The following ETV7 variants were observed in gnomAD, a reference collection of about 807,000 sequenced individuals.
The protein encoded by ETV7 is ETS variant transcription factor 7, also known as transcription factor ETV7.
ETV7 carries 43 observed loss-of-function variants against 39.1 expected under a neutral mutation model. That is an observed-to-expected ratio of 1.10 (90% CI 0.86 to 1.42). The LOEUF (loss-of-function observed/expected upper bound fraction) is 1.42, where lower values mean the gene tolerates loss of function less well. Among genes scored for constraint, ETV7 ranks in the 40% most tolerant of loss-of-function variants. The pLI is 0.00. For missense variants in ETV7, 432 were observed against 442.3 expected (o/e 0.98, Z 0.21); for synonymous variants, 196 against 176.6 (o/e 1.11, Z -0.87).
At chr6:36,381,681 C>G (rs868118207) in intron 2 of ETV7, among the ~76,000 whole-genome samples, 19 of 152,250 alleles carry the variant, frequency 1.2e-4, no homozygotes, top group Middle Eastern at 3.4e-3. Flanking sequence ...GGTCGATAAT[C>G]CTTTTCTTGG....
At chr6:36,371,773 A>G (rs1773039594) in intron 4 of ETV7, among the ~76,000 whole-genome samples, 1 of 152,210 alleles carries the variant, frequency 6.6e-6, no homozygotes, top group Admixed American at 6.5e-5. Context: ...ACAAGTAACA[A>G]CCTGTCAAGC....
intron 5 of ETV7, among the ~76,000 whole-genome samples, chr6:36,370,079 G>A (rs2127389072): frequency 6.6e-6 from 1 of 152,250 alleles, no homozygotes; most frequent in East Asian, 1.9e-4. Flanking sequence ...TCTATGTGTT[G>A]GGCCAATTGT....
At chr6:36,364,090 T>C (rs932191565), downstream of ETV7, among the ~76,000 whole-genome samples, 28 of 152,204 alleles carry the variant, frequency 1.8e-4, no homozygotes, top group Non-Finnish European at 4.0e-4. Flanking sequence ...AGAGTGCCGA[T>C]TGGTGTATTT....
chr6:36,362,816 A>G (rs1006998984), downstream of ETV7, among the ~76,000 whole-genome samples: 3 of 152,180 alleles, frequency 2.0e-5, no homozygotes, highest in African/African-American at 7.2e-5. Flanking sequence ...GGTGAGATTC[A>G]TTGCCTGAGT....
At position 36,385,547 on chromosome 6, in the gene ETV7, C is replaced by A. The variant is rs762641486; in HGVS notation, c.129G>T (p.Leu43=). 2 of 1,614,102 alleles carry A rather than the reference C, an allele frequency of 1.2e-6. No individual in the cohort carries two copies. The highest frequency in any genetic ancestry group is 1.7e-5 in the Admixed American group (1 of 60,006). Residue 43 remains leucine, a synonymous_variant, in exon 2 of 8, where the codon CTG becomes CTT. Transcript: ENST00000340181. Reference sequence around the variant, plus strand: ...CCCTCTACTTACGGAGTCTTCCTGGCAGCTTGCAGATCCCCCCTTCACCCA... The same window carrying A: ...CCCTCTACTTACGGAGTCTTCCTGGAAGCTTGCAGATCCCCCCTTCACCCA... ...NLLGEGGICK[L]PGRLRIQPAL... is the part of the protein sequence containing the mutation.
In ETV7 at chr6:36,383,091, A is replaced by T. The variant is rs138477911; in HGVS notation, c.142+2443T>A. ...CATCACCTCCTCCCAGTCCCCTGTG[A>T]TATCAGCCCAGTTCTGAAAATGGTC... On this transcript the variant is annotated intron_variant, in intron 2 of 7. Coordinates refer to ENST00000340181, the MANE Select transcript of ETV7 (RefSeq NM_016135.4). Among the ~76,000 whole-genome samples the T allele has an allele frequency of 9.5e-4, 144 of 152,234 alleles. 1 individual carries two copies. The highest frequency in any genetic ancestry group is 2.9e-3 in the African/African-American group (121 of 41,530).
chr6:36,368,872 C>A, intron 6 of ETV7, 57 bp downstream of exon 6: 1 of 1,611,832 alleles, frequency 6.2e-7, no homozygotes, highest in Non-Finnish European at 8.5e-7. Flanking sequence ...TCCACTCTGA[C>A]CCCCAACTCT....
At chr6:36,381,577 T>G (rs4308555) in intron 2 of ETV7, among the ~76,000 whole-genome samples, 65,633 of 151,922 alleles carry the variant, frequency 0.43, 15,522 homozygotes, top group African/African-American at 0.62. Flanking sequence ...GATGACTACG[T>G]TTTATCAATT....
At position 36,368,942 on chromosome 6, in the gene ETV7, CAG is replaced by C. The variant is rs755433249; in HGVS notation, c.792_793del (p.Trp265GlyfsTer23). The C allele has an allele frequency of 1.5e-5, 24 of 1,614,022 alleles. No homozygotes were observed. The highest frequency in any genetic ancestry group is 1.2e-5 in the Non-Finnish European group (14 of 1,180,042). ...GCCGAGGCTCACCTTGTGATTTCCC[CAG>C]AGTCTGGCGAGCCCATTTGGATCCA... On this transcript the variant is annotated frameshift_variant, in exon 6 of 8. Transcript: ENST00000340181. LOFTEE classifies it high-confidence loss of function.
At position 36,366,427 on chromosome 6, in the gene ETV7, C is replaced by T. The variant is rs749984217; in HGVS notation, c.*218G>A. ...GTAGGGGAGAGTCCATTCCCCTGTA[C>T]CTCATTTAGCCCCAGGATTGCCCTG... On this transcript the variant is annotated 3_prime_UTR_variant, in exon 8 of 8. Transcript: ENST00000340181. 2.8e-5 allele frequency: 40 copies of T among 1,412,140 alleles called. No individual in the cohort carries two copies. The highest frequency in any genetic ancestry group is 3.7e-5 in the Non-Finnish European group (40 of 1,085,074). 87.5% of individuals were successfully genotyped at this position (1,412,140 alleles called of 1,614,324 possible).
chr6:36,383,844 A>G (rs1363943579), intron 2 of ETV7, among the ~76,000 whole-genome samples: 1 of 152,248 alleles, frequency 6.6e-6, no homozygotes, highest in African/African-American at 2.4e-5. Context: ...GATGACAGGT[A>G]TAGAAGATGC....
At chr6:36,368,321 T>C (rs138078641) in intron 6 of ETV7, among the ~76,000 whole-genome samples, 7 of 152,362 alleles carry the variant, frequency 4.6e-5, no homozygotes, top group African/African-American at 1.2e-4. Context: ...TTATCGTTAA[T>C]AGTTTTCTTT....
chr6:36,364,164 T>C (rs1385630236), downstream of ETV7, among the ~76,000 whole-genome samples: 1 of 152,238 alleles, frequency 6.6e-6, no homozygotes, highest in Admixed American at 6.5e-5. Flanking sequence ...CCCAGCTGGC[T>C]TCACCCAGTG....
At position 36,366,595 on chromosome 6, in the gene ETV7, G is replaced by T; in HGVS notation, c.*50C>A. The T allele has an allele frequency of 6.2e-7, 1 of 1,612,710 alleles. No individual in the cohort carries two copies. The highest frequency in any genetic ancestry group is 8.5e-7 in the Non-Finnish European group (1 of 1,179,266). Reference sequence around the variant, plus strand: ...GGAGGAGGAGTCTGCCTTCATGGGAGACTCGGTCCCTGCCCCATCGGTACC... The same window carrying T: ...GGAGGAGGAGTCTGCCTTCATGGGATACTCGGTCCCTGCCCCATCGGTACC... On this transcript the variant is annotated 3_prime_UTR_variant, in exon 8 of 8. Coordinates refer to ENST00000340181, the MANE Select transcript of ETV7 (RefSeq NM_016135.4).
chr6:36,363,427 T>G (rs1460456956), downstream of ETV7, among the ~76,000 whole-genome samples: 3 of 152,074 alleles, frequency 2.0e-5, no homozygotes, highest in African/African-American at 7.2e-5. Context: ...CTGCAGACCT[T>G]CACGGTGAGT....
At chr6:36,376,835 C>T (rs1773391854) in intron 2 of ETV7, among the ~76,000 whole-genome samples, 2 of 151,596 alleles carry the variant, frequency 1.3e-5, no homozygotes, top group South Asian at 2.1e-4. Context: ...GGCAGTGAGG[C>T]TCCCAGAGGT....
At chr6:36,375,619 A>G (rs745933670) in intron 3 of ETV7, among the ~76,000 whole-genome samples, 4 of 152,180 alleles carry the variant, frequency 2.6e-5, no homozygotes, top group Non-Finnish European at 5.9e-5. Context: ...AAGGGAAGAG[A>G]AAGCGAGAGA....
chr6:36,386,286 C>G (rs1176464314), intron 1 of ETV7, among the ~76,000 whole-genome samples: 2 of 152,252 alleles, frequency 1.3e-5, no homozygotes, highest in African/African-American at 4.8e-5. Flanking sequence ...CAAGATCACG[C>G]CACTGCACTC....
intron 5 of ETV7, among the ~76,000 whole-genome samples, chr6:36,369,906 T>TA (rs10664403): frequency 0.11 from 15,721 of 146,016 alleles, 1,263 homozygotes; most frequent in African/African-American, 0.22. Flanking sequence ...CCCTGTCTCT[T>TA]AAAAAAAAAA....
Sources: allele counts gnomAD v4.1 joint callset (sites outside exome capture counted in the v4.1 genomes callset), GRCh38; gene constraint gnomAD v4.1.1; transcripts MANE v1.5; gene names NCBI Gene and HGNC (gene_info 2026-07-23, HGNC 2026-07-21).